MYT1L: variants seen among roughly 807,000 people sequenced by gnomAD.
MYT1L encodes the protein myelin transcription factor 1 like.
A neutral mutation model predicts 126.7 loss-of-function variants in MYT1L; 12 were observed. The ratio of observed to expected loss-of-function variants is 0.09; its 90% CI spans 0.06 to 0.15. The LOEUF (loss-of-function observed/expected upper bound fraction) is 0.15, where lower values mean the gene tolerates loss of function less well. Among genes scored for constraint, MYT1L ranks in the 10% least tolerant of loss-of-function variants. The pLI, the probability that MYT1L is intolerant of heterozygous loss-of-function variation, is 1.00. For synonymous variants in MYT1L, 541 were observed against 604.2 expected, an observed-to-expected ratio of 0.90 and a Z score of 1.53; for missense variants, 979 against 1,585.2, an observed-to-expected ratio of 0.62 and a Z score of 6.49.
intron 3 of MYT1L, among the ~76,000 whole-genome samples, chr2:2,153,548 T>A (rs2086186245): frequency 6.6e-6 from 1 of 151,934 alleles, no homozygotes; most frequent in East Asian, 1.9e-4. Context: ...AGGCAGAGGC[T>A]GGGGGTGGGC....
chr2:1,817,663 T>A (rs995436438), intron 21 of MYT1L, among the ~76,000 whole-genome samples: 1 of 150,912 alleles, frequency 6.6e-6, no homozygotes. Context: ...CCCTGGGGGG[T>A]GGTGGCGGCC....
At chr2:1,819,322 G>A (rs74494313) in intron 21 of MYT1L, among the ~76,000 whole-genome samples, 3,285 of 152,270 alleles carry the variant, frequency 0.022, 132 homozygotes, top group African/African-American at 0.074. Flanking sequence ...CTAACAGGAG[G>A]GTCATGACAA....
chr2:2,329,720 C>T (rs1194255702), intron 1 of MYT1L, among the ~76,000 whole-genome samples: 2 of 152,120 alleles, frequency 1.3e-5, no homozygotes, highest in African/African-American at 2.4e-5. Flanking sequence ...TACCATCACA[C>T]ACACACATCA....
chr2:1,908,258 C>T (rs1424505692), intron 13 of MYT1L, among the ~76,000 whole-genome samples: 1 of 152,210 alleles, frequency 6.6e-6, no homozygotes, highest in Admixed American at 6.5e-5. Flanking sequence ...TGTGTTTGAA[C>T]AAAGTGGTAT....
At chr2:1,818,232 T>G (rs1572521907) in intron 21 of MYT1L, among the ~76,000 whole-genome samples, 1 of 151,558 alleles carries the variant, frequency 6.6e-6, no homozygotes, top group Admixed American at 6.6e-5. Flanking sequence ...TGAGAGGAGG[T>G]GGGAGTGTGT....
rs2031640235 is a variant in MYT1L, at chr2:1,789,420, G to A, written c.*2447C>T. The A allele has an allele frequency of 6.6e-6, 1 of 152,088 alleles. No individual in the cohort carries two copies. The highest frequency in any genetic ancestry group is 1.5e-5 in the Non-Finnish European group (1 of 68,026). The allele number at this position is 152,088 out of a possible 1,614,324, so 9.4% of individuals were successfully genotyped here. A position where few individuals can be genotyped will look rare whatever the true frequency, so the allele number is the denominator to read the frequency against. On this transcript the variant is annotated 3_prime_UTR_variant, in exon 25 of 25. Coordinates refer to ENST00000647738, the MANE Select transcript of MYT1L (RefSeq NM_001303052.2). ...TGAACAATAAGTTATAATAAACTCT[G>A]ATGACTCACAATAATCCATATGAAA...
At chr2:2,099,024 C>T (rs1464295924) in intron 3 of MYT1L, among the ~76,000 whole-genome samples, 5 of 152,188 alleles carry the variant, frequency 3.3e-5, no homozygotes, top group Non-Finnish European at 5.9e-5. Flanking sequence ...GAATGTAGCA[C>T]AAGCACCGCT....
intron 19 of MYT1L, 105 bp downstream of exon 19, chr2:1,851,536 C>T: frequency 9.6e-7 from 1 of 1,042,064 alleles, no homozygotes; most frequent in Non-Finnish European, 1.5e-6. Context: ...CTTAATTTTG[C>T]CCATGGTGTC....
At chr2:2,330,372 A>G (rs982718689) in intron 1 of MYT1L, among the ~76,000 whole-genome samples, 3 of 152,304 alleles carry the variant, frequency 2.0e-5, no homozygotes, top group East Asian at 1.9e-4. Flanking sequence ...ATTCAGATCT[A>G]TCTTAAAACT....
At chr2:1,877,556 T>C (rs1484788010) in intron 18 of MYT1L, among the ~76,000 whole-genome samples, 1 of 152,166 alleles carries the variant, frequency 6.6e-6, no homozygotes, top group Non-Finnish European at 1.5e-5. Flanking sequence ...ATCAGGTAGA[T>C]TTTTTATCCT....
intron 3 of MYT1L, among the ~76,000 whole-genome samples, chr2:2,145,981 C>A (rs530646816): frequency 2.6e-5 from 4 of 152,256 alleles, no homozygotes; most frequent in Non-Finnish European, 5.9e-5. Flanking sequence ...CGATCTCATG[C>A]CAATGCTGAC....
At chr2:2,196,490 GTATT>G (rs1166834162) in intron 2 of MYT1L, among the ~76,000 whole-genome samples, 1 of 151,208 alleles carries the variant, frequency 6.6e-6, no homozygotes, top group Non-Finnish European at 1.5e-5. Flanking sequence ...ATAATTTAGT[GTATT>G]TATAATAAAA....
intron 18 of MYT1L, among the ~76,000 whole-genome samples, chr2:1,857,814 G>A (rs13015040): frequency 0.5 from 76,413 of 151,682 alleles, 20,847 homozygotes; most frequent in Middle Eastern, 0.73. Flanking sequence ...GTATTGCTCC[G>A]AAGCACCAGA....
At chr2:1,802,070 A>G in intron 22 of MYT1L, 1 of 325,396 alleles carries the variant, frequency 3.1e-6, no homozygotes, top group Non-Finnish European at 5.6e-6. Flanking sequence ...GCTCCCAGGG[A>G]CAGTTAACCT....
At chr2:1,798,996 T>C (rs2034334028) in intron 23 of MYT1L, among the ~76,000 whole-genome samples, 1 of 152,182 alleles carries the variant, frequency 6.6e-6, no homozygotes, top group African/African-American at 2.4e-5. Flanking sequence ...AGCTCAGGCC[T>C]GGTGCTCACA....
chr2:1,846,580 A>G (rs1010790494), intron 19 of MYT1L, among the ~76,000 whole-genome samples: 2 of 152,162 alleles, frequency 1.3e-5, no homozygotes, highest in Admixed American at 1.3e-4. Flanking sequence ...GTGCAGGATT[A>G]TGAGAAACTG....
chr2:2,043,703 A>G (rs2150032720), intron 4 of MYT1L, among the ~76,000 whole-genome samples: 1 of 151,964 alleles, frequency 6.6e-6, no homozygotes, highest in Non-Finnish European at 1.5e-5. Context: ...TGGCATCTTT[A>G]TTTTGCTCCC....
chr2:1,848,357 C>T lies in MYT1L; in HGVS notation c.2774+3284G>A, dbSNP rs2042785823. Among the ~76,000 whole-genome samples, 1 of 110,148 alleles carries T rather than the reference C, an allele frequency of 9.1e-6. No individual in the cohort carries two copies. The highest frequency in any genetic ancestry group is 4.0e-5 in the African/African-American group (1 of 24,798). The allele number at this position is 110,148 out of a possible 152,430, so 72.3% of individuals were successfully genotyped here. A position where few individuals can be genotyped will look rare whatever the true frequency, so the allele number is the denominator to read the frequency against. On this transcript the variant is annotated intron_variant, in intron 19 of 24. Coordinates refer to ENST00000647738, the MANE Select transcript of MYT1L (RefSeq NM_001303052.2). The surrounding 1 kb of genome is among the most constrained non-coding windows in gnomAD (Gnocchi z 4.8). Reference sequence around the variant, plus strand: ...CACCACGGAAGCGCGAGGCGTTTGTCCTGGGAGCAGGAGGGAGAATTCCAG... The same window carrying T: ...CACCACGGAAGCGCGAGGCGTTTGTTCTGGGAGCAGGAGGGAGAATTCCAG...
At chr2:1,880,360 C>G (rs1192632653) in intron 18 of MYT1L, among the ~76,000 whole-genome samples, 1 of 152,150 alleles carries the variant, frequency 6.6e-6, no homozygotes, top group Non-Finnish European at 1.5e-5. Context: ...CTTTTCGAGA[C>G]AGACTCTCAC....
Sources: allele counts gnomAD v4.1 joint callset (sites outside exome capture counted in the v4.1 genomes callset), GRCh38; gene constraint gnomAD v4.1.1; non-coding constraint Gnocchi (gnomAD v3.1); transcripts MANE v1.5; gene names NCBI Gene and HGNC (gene_info 2026-07-23, HGNC 2026-07-21).